Variants in ITPR1 observed in about 807,000 individuals in gnomAD.
ITPR1 encodes the protein inositol 1,4,5-trisphosphate-gated calcium channel ITPR1.
In ITPR1, 96 loss-of-function variants were observed where a neutral mutation model predicts 318.4. The ratio of observed to expected loss-of-function variants is 0.30; its 90% CI spans 0.26 to 0.36. ITPR1 has a LOEUF of 0.36. Ranked by LOEUF, ITPR1 falls within the 10% of genes least tolerant of loss-of-function variation. The pLI is 1.00. For missense variants in ITPR1, 2,440 were observed against 3,460.2 expected, an observed-to-expected ratio of 0.71 and a Z score of 7.40; for synonymous variants, 1,312 against 1,289.9, an observed-to-expected ratio of 1.02 and a Z score of -0.37.
intron 60 of ITPR1, chr3:4,831,092 G>T (rs377089995): frequency 1.4e-5 from 6 of 430,006 alleles, no homozygotes; most frequent in South Asian, 9.6e-5. Flanking sequence ...TTCCTCCTCC[G>T]TCTGTCTGTC....
In ITPR1 at chr3:4,535,427, T is replaced by A. The variant is rs1397760491; in HGVS notation, c.163+14333T>A. 8.2e-4 allele frequency among the ~76,000 whole-genome samples: 109 copies of A among 132,890 alleles called. 1 individual carries two copies. Among genetic ancestry groups the A allele is most frequent in the Non-Finnish European group, 1.3e-3 (81 of 61,884 alleles). The allele number at this position is 132,890 out of a possible 152,430, so 87.2% of individuals were successfully genotyped here. On this transcript the variant is annotated intron_variant, in intron 4 of 61. Coordinates refer to ENST00000649015, the MANE Select transcript of ITPR1 (RefSeq NM_001378452.1). ...CTTTATGTGAAGGAAAATTATTTTC[T>A]TTTTTTTTTTTTTAATTTTTTTTTT...
intron 49 of ITPR1, among the ~76,000 whole-genome samples, chr3:4,781,908 G>T (rs1264337752): frequency 1.3e-5 from 2 of 152,152 alleles, no homozygotes; most frequent in Non-Finnish European, 2.9e-5. Context: ...ACTTGAGCCT[G>T]GGAGGTCAGG....
chr3:4,759,833 T>G (rs1349947106), intron 44 of ITPR1, among the ~76,000 whole-genome samples: 2 of 152,236 alleles, frequency 1.3e-5, no homozygotes, highest in African/African-American at 4.8e-5. Context: ...TTGTTGTGGT[T>G]GAAGGTTGGC....
At chr3:4,711,252 G>A (rs915495509) in intron 38 of ITPR1, among the ~76,000 whole-genome samples, 2 of 146,262 alleles carry the variant, frequency 1.4e-5, no homozygotes. Context: ...TTTACCCTAA[G>A]ATTAGTTGTT....
chr3:4,663,097 AC>A lies in ITPR1; in HGVS notation c.1446del (p.Phe483SerfsTer27). ...SVTKLLEDLVYFVTGGTNSGQ... is the reference protein window; with the variant it reads ...SVTKLLEDLVXFVTGGTNSGQ... ...ACCAAGCTGCTAGAAGATTTGGTTTACTTCGTCACTGGTGGAACTAATTCTG... is the reference window on the plus strand; with the variant it reads ...ACCAAGCTGCTAGAAGATTTGGTTTATTCGTCACTGGTGGAACTAATTCTG... On this transcript the variant is annotated frameshift_variant, in exon 16 of 62. Coordinates refer to ENST00000649015, the MANE Select transcript of ITPR1 (RefSeq NM_001378452.1). LOFTEE classifies it high-confidence loss of function. 6.2e-7 allele frequency: 1 copy of A among 1,613,798 alleles called. No individual in the cohort carries two copies. The highest frequency in any genetic ancestry group is 8.5e-7 in the Non-Finnish European group (1 of 1,179,760).
chr3:4,800,479 T>C lies in ITPR1; in HGVS notation c.6986T>C (p.Leu2329Pro). The C allele has an allele frequency of 6.2e-7, 1 of 1,614,058 alleles. No homozygotes were observed. The highest frequency in any genetic ancestry group is 1.1e-5 in the South Asian group (1 of 91,080). Residue 2329 changes from leucine (L) to proline (P), a missense_variant, in exon 54 of 62, where the codon CTG becomes CCG. This residue lies in a region of ITPR1 where 126 missense variants were observed against 150.8 expected (regional missense o/e 0.84). Coordinates refer to ENST00000649015, the MANE Select transcript of ITPR1 (RefSeq NM_001378452.1). ...CTGTGGACAGCCATGCTCATCTCTC[T>C]GGCCATCGTCATTGCCCTCCCCAAG... ...GLLWTAMLIS[L>P]AIVIALPKPH... is the part of the protein sequence containing the mutation.
chr3:4,550,335 T>C (rs191445275), intron 4 of ITPR1, among the ~76,000 whole-genome samples: 22 of 152,288 alleles, frequency 1.4e-4, no homozygotes, highest in Admixed American at 8.5e-4. Context: ...CATTGACCAG[T>C]CCGCTGCCAG....
chr3:4,837,268 T>C (rs2050990735), intron 61 of ITPR1, among the ~76,000 whole-genome samples: 1 of 152,212 alleles, frequency 6.6e-6, no homozygotes, highest in African/African-American at 2.4e-5. Context: ...ATACCCTTTT[T>C]ACTTTATGTA....
At chr3:4,644,080 C>A in intron 7 of ITPR1, 56 bp from the exon 8 acceptor site, 1 of 1,165,592 alleles carries the variant, frequency 8.6e-7, no homozygotes, top group South Asian at 1.3e-5. Context: ...GCCCAGTGGT[C>A]AATCCGCAGT....
chr3:4,625,625 C>T (rs912280445), intron 4 of ITPR1, among the ~76,000 whole-genome samples: 3 of 151,682 alleles, frequency 2.0e-5, no homozygotes, highest in African/African-American at 4.8e-5. Context: ...GGTGTGATCT[C>T]GGCTCACTGC....
At chr3:4,701,172 C>T (rs576141066) in intron 35 of ITPR1, among the ~76,000 whole-genome samples, 1 of 152,256 alleles carries the variant, frequency 6.6e-6, no homozygotes, top group South Asian at 2.1e-4. Flanking sequence ...ATCAGGTGTT[C>T]CAGGAATAGG....
chr3:4,578,313 C>T (rs554589074), intron 4 of ITPR1, among the ~76,000 whole-genome samples: 3 of 152,098 alleles, frequency 2.0e-5, no homozygotes, highest in Non-Finnish European at 4.4e-5. Context: ...TCTTTTTCCT[C>T]TCTTTTCTTT....
chr3:4,558,358 A>G (rs2086338573), intron 4 of ITPR1, among the ~76,000 whole-genome samples: 1 of 152,350 alleles, frequency 6.6e-6, no homozygotes, highest in Non-Finnish European at 1.5e-5. Context: ...TTTGAGATGC[A>G]TAGAAAAATA....
chr3:4,789,898 A>G (rs1013676282), intron 52 of ITPR1, among the ~76,000 whole-genome samples: 3 of 152,206 alleles, frequency 2.0e-5, no homozygotes, highest in African/African-American at 4.8e-5. Context: ...GATTACAGGC[A>G]TGAGCCACTG....
At chr3:4,793,761 C>T (rs914795745) in intron 52 of ITPR1, among the ~76,000 whole-genome samples, 5 of 152,236 alleles carry the variant, frequency 3.3e-5, no homozygotes, top group African/African-American at 1.2e-4. Context: ...CTGTGCTGGG[C>T]CTCAGTTTCC....
At chr3:4,678,087 C>A (rs1294224800) in intron 24 of ITPR1, among the ~76,000 whole-genome samples, 1 of 152,064 alleles carries the variant, frequency 6.6e-6, no homozygotes, top group African/African-American at 2.4e-5. Context: ...AGTAGAAATT[C>A]ATAAATGTTT....
Position 4,670,726 on chromosome 3 carries a change from T to C in ITPR1, c.2007-3T>C, listed in dbSNP as rs200335594. 3,399 of 1,570,614 alleles carry C rather than the reference T, an allele frequency of 2.2e-3. 9 individuals carry two copies. The highest frequency in any genetic ancestry group is 2.8e-3 in the Non-Finnish European group (3,239 of 1,153,508). On this transcript the variant is annotated splice_polypyrimidine_tract_variant and splice_region_variant and intron_variant, in intron 19 of 61. Coordinates refer to ENST00000649015, the MANE Select transcript of ITPR1 (RefSeq NM_001378452.1). ...ACTTTTCCCTCCTCCTCTTGTTTTC[T>C]AGGTTGGTTCTTTCTCGTTTTGAAT...
intron 4 of ITPR1, among the ~76,000 whole-genome samples, chr3:4,541,300 T>C: frequency 6.6e-6 from 1 of 152,346 alleles, no homozygotes; most frequent in East Asian, 1.9e-4. Context: ...TGTTTGAAAA[T>C]ATTCACTTTT....
chr3:4,691,585 CAG>C (rs2094479199), intron 32 of ITPR1, among the ~76,000 whole-genome samples: 1 of 151,942 alleles, frequency 6.6e-6, no homozygotes, highest in Non-Finnish European at 1.5e-5. Flanking sequence ...ATTTTTCTGA[CAG>C]GGGACAGAAA....
Sources: gnomAD v4.1 joint callset for allele counts (sites outside exome capture counted in the v4.1 genomes callset) on GRCh38, gnomAD v4.1.1 for gene constraint, gnomAD v4.1.1 regional missense constraint, MANE v1.5 for transcripts, NCBI Gene and HGNC (gene_info 2026-07-23, HGNC 2026-07-21) for gene names.